RHOU: variants seen among roughly 807,000 people sequenced by gnomAD.
RHOU encodes the protein ras homolog family member U.
In RHOU, 8 loss-of-function variants were observed where a neutral mutation model predicts 12.6. That is an observed-to-expected ratio of 0.64 (90% CI 0.37 to 1.15). The LOEUF (loss-of-function observed/expected upper bound fraction) is 1.15, where lower values mean the gene tolerates loss of function less well. Ranked by LOEUF, RHOU falls within the 50% of genes most tolerant of loss-of-function variation. The pLI, the probability that RHOU is intolerant of heterozygous loss-of-function variation, is 0.01. For synonymous variants in RHOU, 161 were observed against 147.4 expected, an observed-to-expected ratio of 1.09 and a Z score of -0.67; for missense variants, 258 against 347.0, an observed-to-expected ratio of 0.74 and a Z score of 2.04.
the RHOU span, among the ~76,000 whole-genome samples, chr1:228,656,539 G>A: frequency 6.6e-6 from 1 of 152,000 alleles, no homozygotes; most frequent in Non-Finnish European, 1.5e-5. Flanking sequence ...TTTGACATCA[G>A]TAACTGAAAG....
chr1:228,687,425 G>T, the RHOU span: 1 of 1,346,620 alleles, frequency 7.4e-7, no homozygotes, highest in Non-Finnish European at 1.1e-6. Context: ...CTGCCTTGAA[G>T]AACTTTGCCA....
At chr1:228,730,842 T>C (rs1346014672), upstream of RHOU, among the ~76,000 whole-genome samples, 2 of 152,178 alleles carry the variant, frequency 1.3e-5, no homozygotes, top group Non-Finnish European at 2.9e-5. Flanking sequence ...ACTCAGTAAA[T>C]GGTGAAATGT....
chr1:228,736,763 C>A (rs149464103), intron 1 of RHOU, among the ~76,000 whole-genome samples: 82 of 152,252 alleles, frequency 5.4e-4, no homozygotes, highest in African/African-American at 1.9e-3. Flanking sequence ...CTATTCAGGT[C>A]TTTTTGAAAT....
the RHOU span, among the ~76,000 whole-genome samples, chr1:228,648,284 C>G: frequency 6.6e-6 from 1 of 152,232 alleles, no homozygotes; most frequent in African/African-American, 2.4e-5. Context: ...GCGGCGCCAC[C>G]CTGTTTCCTC....
At chr1:228,693,025 T>C in the RHOU span, among the ~76,000 whole-genome samples, 1 of 152,086 alleles carries the variant, frequency 6.6e-6, no homozygotes, top group African/African-American at 2.4e-5. Flanking sequence ...TGAGTCTTGG[T>C]TTTCATTAAG....
At position 228,743,827 on chromosome 1, in the gene RHOU, G is replaced by C; in HGVS notation, c.*87G>C. 8.9e-7 allele frequency: 1 copy of C among 1,127,452 alleles called. No homozygotes were observed. Among genetic ancestry groups the C allele is most frequent in the Non-Finnish European group, 1.3e-6 (1 of 786,114 alleles). The allele number at this position is 1,127,452 out of a possible 1,614,324, so 69.8% of individuals were successfully genotyped here. The stretch of plus-strand genomic sequence containing the variant: ...CTGAAACAACTCCTTTTACTGCGTA[G>C]AACCTATATCGAGAGTGTGTGTATA... On this transcript the variant is annotated 3_prime_UTR_variant, in exon 3 of 3. Transcript: ENST00000366691. This position sits in a 1 kb window ranked among gnomAD's most constrained non-coding sequence, Gnocchi z 5.1.
chr1:228,661,982 A>G, the RHOU span, among the ~76,000 whole-genome samples: 4 of 152,238 alleles, frequency 2.6e-5, no homozygotes, highest in Non-Finnish European at 5.9e-5. Flanking sequence ...CAAATTTACA[A>G]GAAAAAAACA....
the RHOU span, among the ~76,000 whole-genome samples, chr1:228,672,415 G>A: frequency 2.6e-5 from 4 of 152,046 alleles, no homozygotes. Context: ...CACCTGCTTC[G>A]GCCTCCCAAA....
chr1:228,719,046 C>T, the RHOU span, among the ~76,000 whole-genome samples: 23 of 152,224 alleles, frequency 1.5e-4, no homozygotes, highest in South Asian at 1.2e-3. Context: ...ATCTATTCTA[C>T]AGCACCTATG....
At chr1:228,681,742 G>A in the RHOU span, among the ~76,000 whole-genome samples, 3 of 152,146 alleles carry the variant, frequency 2.0e-5, no homozygotes, top group Non-Finnish European at 4.4e-5. Context: ...GGCAAGAGGT[G>A]AAGAGGTTTT....
Position 228,744,451 on chromosome 1 carries a change from T to C in RHOU, c.*711T>C, listed in dbSNP as rs1184058621. ...ACACATATGAACACAGACAAAGTGCTATGCGGAGGAAAGCAAGTGTTGGTC... is the reference window on the plus strand; with the variant it reads ...ACACATATGAACACAGACAAAGTGCCATGCGGAGGAAAGCAAGTGTTGGTC... On this transcript the variant is annotated 3_prime_UTR_variant, in exon 3 of 3. Coordinates refer to ENST00000366691, the MANE Select transcript of RHOU (RefSeq NM_021205.6). 1 of 152,280 alleles carries C rather than the reference T, an allele frequency of 6.6e-6. No homozygotes were observed. The highest frequency in any genetic ancestry group is 2.4e-5 in the African/African-American group (1 of 41,466). The allele number at this position is 152,280 out of a possible 1,614,324, so 9.4% of individuals were successfully genotyped here.
chr1:228,705,977 G>A, the RHOU span, among the ~76,000 whole-genome samples: 66 of 152,218 alleles, frequency 4.3e-4, no homozygotes, highest in African/African-American at 1.0e-3. Flanking sequence ...CCCAGGAGGC[G>A]GAGGTTGCAG....
the RHOU span, among the ~76,000 whole-genome samples, chr1:228,649,330 A>C: frequency 6.6e-6 from 1 of 152,228 alleles, no homozygotes; most frequent in African/African-American, 2.4e-5. Flanking sequence ...CAGGTTCTCT[A>C]AATGTGCTTT....
the RHOU span, among the ~76,000 whole-genome samples, chr1:228,683,657 G>A: frequency 2.0e-5 from 3 of 152,302 alleles, no homozygotes; most frequent in South Asian, 6.2e-4. Context: ...CTATAACAAG[G>A]ACACTCTTTA....
chr1:228,651,829 C>G, the RHOU span, among the ~76,000 whole-genome samples: 2 of 152,332 alleles, frequency 1.3e-5, no homozygotes, highest in Non-Finnish European at 2.9e-5. Flanking sequence ...GTCTCCGTTG[C>G]TTCAGGAAAT....
At chr1:228,690,957 A>G in the RHOU span, among the ~76,000 whole-genome samples, 1 of 152,178 alleles carries the variant, frequency 6.6e-6, no homozygotes, top group South Asian at 2.1e-4. Context: ...GTGCTTAAGT[A>G]CTGTGTTTTG....
chr1:228,659,403 A>C, the RHOU span, among the ~76,000 whole-genome samples: 1 of 152,042 alleles, frequency 6.6e-6, no homozygotes, highest in Non-Finnish European at 1.5e-5. Flanking sequence ...ACAAAACAAA[A>C]AACACCAAAA....
chr1:228,681,130 AAG>A, the RHOU span, among the ~76,000 whole-genome samples: 1 of 152,214 alleles, frequency 6.6e-6, no homozygotes, highest in Non-Finnish European at 1.5e-5. Flanking sequence ...TCTGATGAGA[AAG>A]AGCCTAAACG....
upstream of RHOU, among the ~76,000 whole-genome samples, chr1:228,730,944 T>C (rs1662483383): frequency 6.6e-6 from 1 of 152,242 alleles, no homozygotes; most frequent in Non-Finnish European, 1.5e-5. Context: ...AATTTATTTA[T>C]TTCTTAAATA....
Sources: allele counts gnomAD v4.1 joint callset (sites outside exome capture counted in the v4.1 genomes callset), GRCh38; gene constraint gnomAD v4.1.1; non-coding constraint Gnocchi (gnomAD v3.1); transcripts MANE v1.5; gene names NCBI Gene and HGNC (gene_info 2026-07-23, HGNC 2026-07-21).